The following CSMD3 variants were observed in gnomAD, a reference collection of about 807,000 sequenced individuals.
CSMD3 encodes the protein CUB and Sushi multiple domains 3, also known as CUB and sushi domain-containing protein 3.
In CSMD3, 177 loss-of-function variants were observed where a neutral mutation model predicts 435.2. The observed-to-expected ratio is 0.41, with a 90% CI of 0.36 to 0.46. CSMD3 has a LOEUF of 0.46. Ranked by LOEUF, CSMD3 falls within the 20% of genes least tolerant of loss-of-function variation. CSMD3 has a pLI of 0.34. For synonymous variants in CSMD3, 1,656 were observed against 1,520.5 expected (o/e 1.09, Z -2.07); for missense variants, 4,265 against 4,504.6 (o/e 0.95, Z 1.52).
intron 1 of CSMD3, among the ~76,000 whole-genome samples, chr8:113,409,692 A>T (rs2094549463): frequency 6.6e-6 from 1 of 152,206 alleles, no homozygotes; most frequent in South Asian, 2.1e-4. Context: ...TATTGACGGC[A>T]GTTACTTAAG....
intron 13 of CSMD3, among the ~76,000 whole-genome samples, chr8:112,717,913 G>C (rs1248278564): frequency 6.6e-6 from 1 of 152,026 alleles, no homozygotes; most frequent in Non-Finnish European, 1.5e-5. Flanking sequence ...GGCCTGTCAG[G>C]GGGTGGAGGG....
At chr8:112,887,172 A>G (rs185544806) in intron 10 of CSMD3, among the ~76,000 whole-genome samples, 2 of 150,802 alleles carry the variant, frequency 1.3e-5, no homozygotes, top group Admixed American at 6.6e-5. Flanking sequence ...TAAGCACTGT[A>G]TAAGTGTTTG....
intron 6 of CSMD3, among the ~76,000 whole-genome samples, chr8:112,980,766 T>C (rs2130960606): frequency 6.6e-6 from 1 of 151,684 alleles, no homozygotes; most frequent in East Asian, 1.9e-4. Context: ...AATTTCGTTT[T>C]CATTAAGCGT....
chr8:112,730,804 A>C (rs1429601318), intron 13 of CSMD3, among the ~76,000 whole-genome samples: 1 of 152,124 alleles, frequency 6.6e-6, no homozygotes, highest in East Asian at 1.9e-4. Flanking sequence ...AATTAGATCA[A>C]TTTAGGGCTT....
Position 113,168,470 on chromosome 8 carries a change from G to A in CSMD3, c.709+5252C>T, listed in dbSNP as rs565208642. Among the ~76,000 whole-genome samples the A allele has an allele frequency of 5.5e-4, 75 of 137,592 alleles. 1 individual carries two copies. The highest frequency in any genetic ancestry group is 5.4e-3 in the Admixed American group (64 of 11,790). The allele number at this position is 137,592 out of a possible 152,430, so 90.3% of individuals were successfully genotyped here. On this transcript the variant is annotated intron_variant, in intron 4 of 70. Coordinates refer to ENST00000297405, the MANE Select transcript of CSMD3 (RefSeq NM_198123.2). ...TGGGAGGCAGAGGTTGCAGTAAGCC[G>A]GGATCGTGCCACTGCACTCCAGCCT...
chr8:113,065,926 G>A (rs922982854), intron 5 of CSMD3, among the ~76,000 whole-genome samples: 77 of 151,820 alleles, frequency 5.1e-4, no homozygotes, highest in African/African-American at 1.8e-3. Flanking sequence ...ATACATTACA[G>A]TTATATTTTA....
At chr8:112,382,913 C>T (rs1829606962) in intron 37 of CSMD3, among the ~76,000 whole-genome samples, 2 of 152,156 alleles carry the variant, frequency 1.3e-5, no homozygotes, top group Admixed American at 6.5e-5. Context: ...ATCGCTTGGA[C>T]CCAGGAGGCA....
chr8:112,948,724 A>T (rs1261948566), intron 8 of CSMD3, among the ~76,000 whole-genome samples: 2 of 151,898 alleles, frequency 1.3e-5, no homozygotes, highest in African/African-American at 4.8e-5. Flanking sequence ...TTTTAGAAAA[A>T]ATAGTGCCTA....
chr8:112,747,976 A>AC (rs1563921913), intron 13 of CSMD3, among the ~76,000 whole-genome samples: 1 of 151,750 alleles, frequency 6.6e-6, no homozygotes, highest in African/African-American at 2.4e-5. Context: ...AAAAAAAAAA[A>AC]AAAAAAAAAA....
chr8:112,697,310 A>G lies in CSMD3; in HGVS notation c.1973-7260T>C, dbSNP rs541135054. Among the ~76,000 whole-genome samples the G allele has an allele frequency of 3.9e-5, 6 of 152,314 alleles. No individual in the cohort carries two copies. In the East Asian group the frequency reaches 1.2e-3, roughly 29 times the overall value. On this transcript the variant is annotated intron_variant, in intron 13 of 70. Coordinates refer to ENST00000297405, the MANE Select transcript of CSMD3 (RefSeq NM_198123.2). ...TATTGCAGCACTATTCACAATAGCA[A>G]AGACTTGGAACCAACCCAAATGTCC...
At chr8:113,122,213 T>G (rs1390408299) in intron 4 of CSMD3, among the ~76,000 whole-genome samples, 1 of 152,258 alleles carries the variant, frequency 6.6e-6, no homozygotes, top group African/African-American at 2.4e-5. Flanking sequence ...CTGTTGGATA[T>G]TTTACTTTTA....
intron 20 of CSMD3, among the ~76,000 whole-genome samples, chr8:112,641,871 T>C (rs1484386361): frequency 6.6e-6 from 1 of 151,774 alleles, no homozygotes; most frequent in Non-Finnish European, 1.5e-5. Context: ...CCCAAAGCAA[T>C]GACCTCCTAA....
At chr8:113,091,294 A>G (rs550126968) in intron 5 of CSMD3, among the ~76,000 whole-genome samples, 75 of 152,228 alleles carry the variant, frequency 4.9e-4, no homozygotes, top group Admixed American at 1.7e-3. Flanking sequence ...AGAATGAATT[A>G]GGAGGTATTC....
intron 41 of CSMD3, among the ~76,000 whole-genome samples, chr8:112,343,368 A>C (rs1353543721): frequency 6.6e-6 from 1 of 152,122 alleles, no homozygotes; most frequent in Non-Finnish European, 1.5e-5. Flanking sequence ...TGGACATAGA[A>C]GTTCACTACA....
At chr8:113,033,588 C>CTTTTG (rs1256559938) in intron 5 of CSMD3, among the ~76,000 whole-genome samples, 2 of 107,068 alleles carry the variant, frequency 1.9e-5, no homozygotes, top group African/African-American at 7.1e-5. Context: ...TTTTTTTTTG[C>CTTTTG]TTTTGCTTTT....
At chr8:113,143,806 G>C (rs986620128) in intron 4 of CSMD3, among the ~76,000 whole-genome samples, 1 of 151,350 alleles carries the variant, frequency 6.6e-6, no homozygotes, top group Non-Finnish European at 1.5e-5. Flanking sequence ...GGCTGGGGTG[G>C]GAATGAGTTT....
chr8:112,241,688 T>C, intron 66 of CSMD3, 32 bp downstream of exon 66: 3 of 1,483,870 alleles, frequency 2.0e-6, no homozygotes, highest in South Asian at 2.3e-5. Context: ...TTAGAAATAA[T>C]GAACTCTAGA....
At chr8:112,784,231 C>G (rs937491153) in intron 13 of CSMD3, among the ~76,000 whole-genome samples, 8 of 151,904 alleles carry the variant, frequency 5.3e-5, no homozygotes, top group Admixed American at 2.6e-4. Flanking sequence ...TGTCTTGAAA[C>G]AAATGATAAT....
intron 1 of CSMD3, among the ~76,000 whole-genome samples, chr8:113,325,380 A>G (rs1474893439): frequency 6.6e-6 from 1 of 152,180 alleles, no homozygotes; most frequent in Non-Finnish European, 1.5e-5. Flanking sequence ...TACATCTCAG[A>G]AGAACTAATG....
Sources: gnomAD v4.1 joint callset for allele counts (sites outside exome capture counted in the v4.1 genomes callset) on GRCh38, gnomAD v4.1.1 for gene constraint, MANE v1.5 for transcripts, NCBI Gene and HGNC (gene_info 2026-07-23, HGNC 2026-07-21) for gene names.